ARID1B: variants seen among roughly 807,000 people sequenced by gnomAD.
The protein encoded by ARID1B is AT-rich interaction domain 1B.
In ARID1B, 30 loss-of-function variants were observed where a neutral mutation model predicts 212.3. The observed-to-expected ratio is 0.14, with a 90% confidence interval of 0.11 to 0.19. The LOEUF is 0.19. ARID1B is among the 10% of genes least tolerant of loss of function. ARID1B has a pLI of 1.00. For synonymous variants in ARID1B, 1,402 were observed against 1,301.7 expected, an observed-to-expected ratio of 1.08 and a Z score of -1.66; for missense variants, 2,891 against 3,204.0, an observed-to-expected ratio of 0.90 and a Z score of 2.36.
intron 3 of ARID1B, among the ~76,000 whole-genome samples, chr6:156,926,915 C>T (rs867038885): frequency 2.2e-4 from 33 of 152,250 alleles, no homozygotes; most frequent in Non-Finnish European, 3.5e-4. Context: ...CTCCTGACGC[C>T]GTGATCCGCC....
At chr6:157,114,796 G>C (rs1238814221) in intron 6 of ARID1B, among the ~76,000 whole-genome samples, 2 of 152,122 alleles carry the variant, frequency 1.3e-5, no homozygotes, top group African/African-American at 4.8e-5. Context: ...AGAGATGATG[G>C]AGAGTGAGAG....
chr6:156,845,146 A>G (rs1244582119), intron 2 of ARID1B, among the ~76,000 whole-genome samples: 1 of 151,906 alleles, frequency 6.6e-6, no homozygotes. Context: ...TAGACCAGCC[A>G]TACTGGACTT....
At chr6:156,837,943 C>T (rs995103170) in intron 2 of ARID1B, among the ~76,000 whole-genome samples, 4 of 152,278 alleles carry the variant, frequency 2.6e-5, no homozygotes, top group South Asian at 2.1e-4. Context: ...ATAACACAAA[C>T]ATCCCTTGCC....
intron 4 of ARID1B, among the ~76,000 whole-genome samples, chr6:156,975,236 T>G (rs1034080996): frequency 1.3e-5 from 2 of 152,232 alleles, no homozygotes; most frequent in African/African-American, 4.8e-5. Flanking sequence ...TGCATTTTCC[T>G]AGTAATCAAT....
At position 157,200,971 on chromosome 6, in the gene ARID1B, G is replaced by C. The variant is rs766446706; in HGVS notation, c.4746G>C (p.Gly1582=). The C allele has an allele frequency of 1.2e-6, 2 of 1,614,092 alleles. No homozygotes were observed. Among genetic ancestry groups the C allele is most frequent in the Non-Finnish European group, 1.7e-6 (2 of 1,179,998 alleles). ...GGPLQSSSSE[G]PQQNMWAARN... Reference sequence around the variant, plus strand: ...CGCTGCAGTCGTCCTCCAGTGAGGGGCCTCAGCAGAATATGTGGGCAGCAC... The same window carrying C: ...CGCTGCAGTCGTCCTCCAGTGAGGGCCCTCAGCAGAATATGTGGGCAGCAC... Residue 1582 remains glycine (G), a synonymous_variant, in exon 18 of 20, where the codon GGG becomes GGC. Transcript: ENST00000636930. The surrounding 1 kb of genome is among the most constrained non-coding windows in gnomAD (Gnocchi z 4.3).
chr6:156,800,826 A>G (rs763989083), intron 1 of ARID1B, among the ~76,000 whole-genome samples: 18 of 152,060 alleles, frequency 1.2e-4, no homozygotes, highest in Admixed American at 2.6e-4. Flanking sequence ...GGATCACCTG[A>G]GCTCAGGAGT....
At chr6:157,123,186 GTC>G (rs1204117618) in intron 6 of ARID1B, among the ~76,000 whole-genome samples, 1 of 140,250 alleles carries the variant, frequency 7.1e-6, no homozygotes, top group African/African-American at 2.6e-5. Flanking sequence ...ATCTTTCTCT[GTC>G]TCTGTCTCTG....
intron 8 of ARID1B, among the ~76,000 whole-genome samples, chr6:157,155,569 T>C (rs1420766346): frequency 1.3e-5 from 2 of 152,188 alleles, no homozygotes; most frequent in South Asian, 2.1e-4. Context: ...ATCACAAATA[T>C]AATTCTGTAG....
intron 8 of ARID1B, among the ~76,000 whole-genome samples, chr6:157,157,297 G>A (rs1790640980): frequency 6.6e-6 from 1 of 152,144 alleles, no homozygotes; most frequent in South Asian, 2.1e-4. Flanking sequence ...TCGTCACAGC[G>A]AGAACCAGCA....
rs918569456 is a variant in ARID1B at position 157,202,736 on chromosome 6, T to G, written c.5264-1130T>G. The stretch of plus-strand genomic sequence containing the variant: ...GTATCTATATCCCTTTATATATATA[T>G]ATAGATAGATATAAATATAGATATA... On this transcript the variant is annotated intron_variant, in intron 18 of 19. Transcript: ENST00000636930. Among the ~76,000 whole-genome samples, 28 of 149,978 alleles carry G rather than the reference T, an allele frequency of 1.9e-4. 1 individual carries two copies. Among genetic ancestry groups the G allele is most frequent in the East Asian group, 1.6e-3 (8 of 5,144 alleles).
At chr6:156,789,711 A>C (rs2115169665) in intron 1 of ARID1B, among the ~76,000 whole-genome samples, 1 of 152,348 alleles carries the variant, frequency 6.6e-6, no homozygotes, top group South Asian at 2.1e-4. Flanking sequence ...GCTAGAGCCA[A>C]AAGCTGGCAG....
At position 157,007,363 on chromosome 6, in the gene ARID1B, ATT is replaced by A. The variant is rs772000283; in HGVS notation, c.2247+71788_2247+71789del. Among the ~76,000 whole-genome samples the A allele has an allele frequency of 7.9e-5, 12 of 152,328 alleles. No homozygotes were observed. The East Asian group carries it at 1.2e-3, about 15-fold the overall frequency. ...TGAAGAGAAAGAATCCCAAAATGTT[ATT>A]CTTTTCTGCTCTTTAATTGTTTAAT... is the stretch of plus-strand genomic sequence containing the variant. On this transcript the variant is annotated intron_variant, in intron 4 of 19. Coordinates refer to ENST00000636930, the MANE Select transcript of ARID1B (RefSeq NM_001374828.1).
intron 4 of ARID1B, among the ~76,000 whole-genome samples, chr6:156,954,994 A>G (rs1373344249): frequency 6.6e-6 from 1 of 152,198 alleles, no homozygotes; most frequent in African/African-American, 2.4e-5. Context: ...GCTGCCGTGT[A>G]TCGGAGGCGT....
At chr6:157,182,259 A>G (rs2128320111) in intron 12 of ARID1B, among the ~76,000 whole-genome samples, 1 of 152,310 alleles carries the variant, frequency 6.6e-6, no homozygotes. Flanking sequence ...AATAAAAAAT[A>G]ATATATTTTT....
chr6:156,868,279 A>G (rs1785858647), intron 2 of ARID1B, among the ~76,000 whole-genome samples: 1 of 152,192 alleles, frequency 6.6e-6, no homozygotes, highest in Admixed American at 6.5e-5. Flanking sequence ...GGTTGTCATC[A>G]CTGATATATG....
intron 1 of ARID1B, among the ~76,000 whole-genome samples, chr6:156,791,640 T>G (rs1780016627): frequency 1.3e-5 from 2 of 152,140 alleles, no homozygotes. Flanking sequence ...GCAGAGGTAA[T>G]GCAAGGAAAT....
chr6:157,210,710 A>G lies in ARID1B; in HGVS notation c.*2819A>G. 4.3e-6 allele frequency: 1 copy of G among 230,546 alleles called. No homozygotes were observed. Among genetic ancestry groups the G allele is most frequent in the Non-Finnish European group, 8.6e-6 (1 of 116,638 alleles). The allele number at this position is 230,546 out of a possible 1,614,324, so 14.3% of individuals were successfully genotyped here. On this transcript the variant is annotated 3_prime_UTR_variant, in exon 20 of 20. Coordinates refer to ENST00000636930, the MANE Select transcript of ARID1B (RefSeq NM_001374828.1). ...GCCCAGACTTTACATGTGTACCAAA[A>G]AAAAAAAAAAGATAAAAAATAAAGG...
intron 4 of ARID1B, among the ~76,000 whole-genome samples, chr6:156,959,375 A>C (rs1794198960): frequency 6.6e-6 from 1 of 152,204 alleles, no homozygotes; most frequent in African/African-American, 2.4e-5. Flanking sequence ...TAAATGCTTT[A>C]TGAATAGTTG....
chr6:156,917,005 T>C (rs1308032116), intron 3 of ARID1B, among the ~76,000 whole-genome samples: 2 of 152,190 alleles, frequency 1.3e-5, no homozygotes, highest in African/African-American at 4.8e-5. Context: ...TCTGGAACAG[T>C]TGGCATCCTC....
Sources: gnomAD v4.1 joint callset for allele counts (sites outside exome capture counted in the v4.1 genomes callset) on GRCh38, gnomAD v4.1.1 for gene constraint, Gnocchi (gnomAD v3.1) non-coding constraint, MANE v1.5 for transcripts, NCBI Gene and HGNC (gene_info 2026-07-23, HGNC 2026-07-21) for gene names.